Variants in DAB1 observed in about 807,000 individuals in gnomAD.
The protein encoded by DAB1 is disabled homolog 1.
DAB1 carries 15 observed loss-of-function variants against 64.6 expected under a neutral mutation model. The observed-to-expected ratio is 0.23, with a 90% CI of 0.16 to 0.36. The LOEUF is 0.36. DAB1 is among the 10% of genes least tolerant of loss of function. The pLI, the probability that DAB1 is intolerant of heterozygous loss-of-function variation, is 1.00. For synonymous variants in DAB1, 235 were observed against 251.9 expected (o/e 0.93, Z 0.64); for missense variants, 596 against 706.7 (o/e 0.84, Z 1.78).
chr1:57,182,662 G>A (rs955358196), intron 2 of DAB1, among the ~76,000 whole-genome samples: 3 of 152,154 alleles, frequency 2.0e-5, no homozygotes, highest in Non-Finnish European at 4.4e-5. Context: ...TAGTTTCACA[G>A]TGGAGGTGAG....
At chr1:57,186,480 A>T (rs1663575399) in intron 2 of DAB1, among the ~76,000 whole-genome samples, 1 of 152,218 alleles carries the variant, frequency 6.6e-6, no homozygotes, top group Non-Finnish European at 1.5e-5. Flanking sequence ...CATGTGAATC[A>T]GGTTTTACAG....
At chr1:58,028,212 C>T (rs1221625989) in intron 5 of DAB1, among the ~76,000 whole-genome samples, 2 of 152,154 alleles carry the variant, frequency 1.3e-5, no homozygotes, top group African/African-American at 2.4e-5. Flanking sequence ...AACCATTGCT[C>T]CTAGGGGAAA....
intron 5 of DAB1, among the ~76,000 whole-genome samples, chr1:58,083,317 TC>T (rs1356204093): frequency 6.6e-6 from 1 of 152,064 alleles, no homozygotes; most frequent in African/African-American, 2.4e-5. Flanking sequence ...TCCTTGGGAG[TC>T]CCCCGTTACC....
At chr1:58,200,180 C>T (rs1317958816) in intron 4 of DAB1, among the ~76,000 whole-genome samples, 1 of 152,168 alleles carries the variant, frequency 6.6e-6, no homozygotes, top group East Asian at 1.9e-4. Context: ...AAATGACCAT[C>T]TCTCAGGGAC....
intron 7 of DAB1, among the ~76,000 whole-genome samples, chr1:57,446,453 C>T (rs769524110): frequency 1.3e-5 from 2 of 151,934 alleles, no homozygotes; most frequent in East Asian, 1.9e-4. Flanking sequence ...AAAAATTAGC[C>T]GGGCTTGGTG....
intron 3 of DAB1, among the ~76,000 whole-genome samples, chr1:58,440,322 A>C (rs1300219064): frequency 1.3e-5 from 2 of 152,236 alleles, no homozygotes; most frequent in Non-Finnish European, 2.9e-5. Flanking sequence ...GAGCTTACAG[A>C]GATGCCTAGC....
intron 9 of DAB1, among the ~76,000 whole-genome samples, chr1:57,035,184 T>C (rs1046038602): frequency 2.0e-5 from 3 of 152,202 alleles, no homozygotes; most frequent in Admixed American, 6.5e-5. Context: ...GTTATGTCGC[T>C]ACATCCTTTA....
At chr1:57,737,666 C>T (rs963341048) in intron 6 of DAB1, among the ~76,000 whole-genome samples, 2 of 152,116 alleles carry the variant, frequency 1.3e-5, no homozygotes, top group Admixed American at 1.3e-4. Context: ...TTAATGGCAA[C>T]CCACACTGGA....
chr1:58,310,299 T>C (rs1405109992), intron 4 of DAB1, among the ~76,000 whole-genome samples: 1 of 152,184 alleles, frequency 6.6e-6, no homozygotes, highest in East Asian at 1.9e-4. Context: ...CAAAAAATAT[T>C]TGTTTTAATT....
At chr1:58,081,262 C>G (rs1649977084) in intron 5 of DAB1, among the ~76,000 whole-genome samples, 2 of 152,202 alleles carry the variant, frequency 1.3e-5, no homozygotes, top group South Asian at 4.1e-4. Flanking sequence ...GAATAATGCC[C>G]ATGTCAGTCA....
At chr1:58,155,568 C>G (rs112706369) in intron 4 of DAB1, among the ~76,000 whole-genome samples, 3 of 152,262 alleles carry the variant, frequency 2.0e-5, no homozygotes, top group African/African-American at 7.2e-5. Context: ...TAAGAGGGAG[C>G]CAGTGGACAA....
intron 2 of DAB1, among the ~76,000 whole-genome samples, chr1:57,198,380 A>G (rs1184959940): frequency 6.6e-6 from 1 of 152,174 alleles, no homozygotes; most frequent in African/African-American, 2.4e-5. Flanking sequence ...GAATGTAATG[A>G]AGCCTCTCAA....
At chr1:58,545,164 C>T (rs1557462630) in intron 1 of DAB1, among the ~76,000 whole-genome samples, 1 of 152,168 alleles carries the variant, frequency 6.6e-6, no homozygotes, top group African/African-American at 2.4e-5. Flanking sequence ...GATTTACTTA[C>T]ACCCCACAGA....
At chr1:58,440,493 T>C (rs1188968964) in intron 3 of DAB1, among the ~76,000 whole-genome samples, 1 of 152,230 alleles carries the variant, frequency 6.6e-6, no homozygotes, top group East Asian at 1.9e-4. Flanking sequence ...GAAGGAACTT[T>C]GAAAGTGAAT....
intron 2 of DAB1, among the ~76,000 whole-genome samples, chr1:57,176,568 C>T (rs766758009): frequency 9.2e-5 from 14 of 152,012 alleles, no homozygotes; most frequent in Admixed American, 2.6e-4. Context: ...ATATATTAAA[C>T]GAAAACCCCT....
chr1:57,629,268 C>G (rs1338991616), intron 7 of DAB1, among the ~76,000 whole-genome samples: 1 of 152,146 alleles, frequency 6.6e-6, no homozygotes, highest in African/African-American at 2.4e-5. Context: ...ACATGCATTT[C>G]TTATAAATGG....
At chr1:57,014,257 G>A (rs1358687249) in intron 12 of DAB1, among the ~76,000 whole-genome samples, 2 of 152,208 alleles carry the variant, frequency 1.3e-5, no homozygotes, top group East Asian at 3.8e-4. Flanking sequence ...AGAACTTTCT[G>A]CAGCACTATC....
intron 1 of DAB1, among the ~76,000 whole-genome samples, chr1:57,851,836 TC>T (rs1354252017): frequency 6.6e-6 from 1 of 152,178 alleles, no homozygotes; most frequent in African/African-American, 2.4e-5. Flanking sequence ...CATCCTAGGT[TC>T]CTGCTCCCTT....
rs367719419 is a variant in DAB1 at position 58,184,801 on chromosome 1, T to C, written n.310-34213A>G. The stretch of plus-strand genomic sequence containing the variant: ...GTTGTTATTTGTTATGTATAATGGG[T>C]CTCAAAGAATAAATGAAAAGCCTTT... On this transcript the variant is annotated intron_variant and non_coding_transcript_variant, in intron 4 of 20. Transcript: ENST00000485760. Among the ~76,000 whole-genome samples the C allele has an allele frequency of 4.5e-4, 68 of 152,286 alleles. No homozygotes were observed. The East Asian group carries it at 5.0e-3, about 11-fold the overall frequency.
Sources: gnomAD v4.1 joint callset for allele counts (sites outside exome capture counted in the v4.1 genomes callset) on GRCh38, gnomAD v4.1.1 for gene constraint, MANE v1.5 for transcripts, NCBI Gene and HGNC (gene_info 2026-07-23, HGNC 2026-07-21) for gene names.